Variants in AGMO observed in about 807,000 individuals in gnomAD.
AGMO encodes the protein glyceryl-ether monooxygenase.
Under a neutral mutation model 60.2 loss-of-function variants are expected in AGMO, and 75 were observed. The ratio of observed to expected loss-of-function variants is 1.25; its 90% CI spans 1.03 to 1.51. The LOEUF (loss-of-function observed/expected upper bound fraction) is 1.51, where lower values mean the gene tolerates loss of function less well. AGMO is among the 40% of genes most tolerant of loss of function. The probability of loss-of-function intolerance (pLI) is 0.00; values close to 1 mark genes in which losing one functional copy is unlikely to be tolerated. For synonymous variants in AGMO, 261 were observed against 177.1 expected (o/e 1.47, Z -3.76); for missense variants, 763 against 525.5 (o/e 1.45, Z -4.42).
At chr7:15,249,755 T>C (rs1485201614) in intron 12 of AGMO, among the ~76,000 whole-genome samples, 1 of 152,156 alleles carries the variant, frequency 6.6e-6, no homozygotes, top group Non-Finnish European at 1.5e-5. Context: ...CCAAATTTTC[T>C]AGATCCATAG....
chr7:15,298,969 T>C (rs1369249963), intron 12 of AGMO, among the ~76,000 whole-genome samples: 1 of 152,174 alleles, frequency 6.6e-6, no homozygotes, highest in Non-Finnish European at 1.5e-5. Flanking sequence ...CTCATGTCTG[T>C]TCTCGTTATT....
At chr7:15,383,169 C>T (rs927745688) in intron 10 of AGMO, among the ~76,000 whole-genome samples, 3 of 152,016 alleles carry the variant, frequency 2.0e-5, no homozygotes, top group Non-Finnish European at 2.9e-5. Flanking sequence ...TGGGTATTTT[C>T]ACTTGTGGGG....
chr7:15,132,888 T>C, the AGMO span, among the ~76,000 whole-genome samples: 6 of 152,180 alleles, frequency 3.9e-5, no homozygotes, highest in Admixed American at 2.6e-4. Context: ...TTCAGGGACA[T>C]GTGAAGAATT....
intron 3 of AGMO, among the ~76,000 whole-genome samples, chr7:15,540,570 C>A (rs1429406566): frequency 6.6e-6 from 1 of 152,168 alleles, no homozygotes; most frequent in Non-Finnish European, 1.5e-5. Flanking sequence ...ATGTCTACAG[C>A]ATGCAGCTCT....
chr7:15,174,562 T>C, the AGMO span, among the ~76,000 whole-genome samples: 1 of 152,034 alleles, frequency 6.6e-6, no homozygotes, highest in African/African-American at 2.4e-5. Context: ...TTACAGTCTG[T>C]TTTACCAGAT....
In AGMO at chr7:15,365,718, TA is replaced by T. The variant is rs1782950522; in HGVS notation, c.1158-100del. 3.8e-6 allele frequency: 3 copies of T among 787,140 alleles called. No homozygotes were observed. In the South Asian group the frequency reaches 5.8e-5, roughly 15 times the overall value. 48.8% of individuals were successfully genotyped at this position (787,140 alleles called of 1,614,324 possible). Reference sequence around the variant, plus strand: ...AAACTTCTCATTCTCAAGAAATACCTAGTATTTTAATATATTTGAAAAGCAT... The same window carrying T: ...AAACTTCTCATTCTCAAGAAATACCTGTATTTTAATATATTTGAAAAGCAT... On this transcript the variant is annotated intron_variant, in intron 11 of 12. Transcript: ENST00000342526.
chr7:15,230,576 A>G (rs376125393), intron 12 of AGMO, among the ~76,000 whole-genome samples: 1 of 152,172 alleles, frequency 6.6e-6, no homozygotes, highest in Non-Finnish European at 1.5e-5. Flanking sequence ...CTGTTGGGTC[A>G]TGCTCTTTGA....
intron 3 of AGMO, among the ~76,000 whole-genome samples, chr7:15,522,546 C>T (rs765434466): frequency 2.0e-5 from 3 of 152,094 alleles, no homozygotes; most frequent in Non-Finnish European, 4.4e-5. Flanking sequence ...AATAACACCA[C>T]ACATCTACAA....
chr7:15,157,365 T>G, the AGMO span, among the ~76,000 whole-genome samples: 20 of 152,276 alleles, frequency 1.3e-4, no homozygotes, highest in African/African-American at 4.3e-4. Context: ...GATCAGCCCA[T>G]GAGGGCAGAG....
chr7:15,277,568 G>A (rs892739976), intron 12 of AGMO, among the ~76,000 whole-genome samples: 1 of 151,722 alleles, frequency 6.6e-6, no homozygotes, highest in Admixed American at 6.6e-5. Context: ...TCCATCCCTT[G>A]ATGGTGAGAC....
intron 11 of AGMO, 91 bp from the exon 12 acceptor site, chr7:15,365,710 G>T: frequency 1.2e-6 from 1 of 827,230 alleles, no homozygotes; most frequent in Non-Finnish European, 1.9e-6. Context: ...TCATTCTCAA[G>T]AAATACCTAG....
the AGMO span, among the ~76,000 whole-genome samples, chr7:15,147,143 G>T: frequency 4.9e-4 from 74 of 152,170 alleles, no homozygotes; most frequent in African/African-American, 1.6e-3. Flanking sequence ...GGTGGCTCAT[G>T]GTTCAGGACC....
At chr7:15,539,820 AAT>A (rs1784576059) in intron 3 of AGMO, among the ~76,000 whole-genome samples, 1 of 152,178 alleles carries the variant, frequency 6.6e-6, no homozygotes, top group African/African-American at 2.4e-5. Flanking sequence ...ACTTTTTAAT[AAT>A]AGTCATTCTG....
chr7:15,143,934 A>G, the AGMO span, among the ~76,000 whole-genome samples: 7 of 152,294 alleles, frequency 4.6e-5, no homozygotes, highest in East Asian at 1.4e-3. Context: ...TCAAAAACTT[A>G]TAAGTAGCAT....
intron 10 of AGMO, among the ~76,000 whole-genome samples, chr7:15,381,962 G>A (rs1290518313): frequency 1.3e-5 from 2 of 152,086 alleles, no homozygotes; most frequent in African/African-American, 2.4e-5. Flanking sequence ...GTAAGTGGGA[G>A]CGCTAAATGA....
chr7:15,420,117 A>G (rs7811806), intron 4 of AGMO, among the ~76,000 whole-genome samples: 226 of 152,238 alleles, frequency 1.5e-3, no homozygotes, highest in African/African-American at 5.2e-3. Context: ...TGCATAGCAG[A>G]TGAATATTTA....
At chr7:15,293,619 C>A (rs556506486) in intron 12 of AGMO, among the ~76,000 whole-genome samples, 1 of 147,382 alleles carries the variant, frequency 6.8e-6, no homozygotes, top group Non-Finnish European at 1.5e-5. Context: ...TACTCTAGTT[C>A]CTCACACCAA....
chr7:15,207,807 ACCTGTAGT>A (rs1781479581), intron 12 of AGMO, among the ~76,000 whole-genome samples: 1 of 152,240 alleles, frequency 6.6e-6, no homozygotes, highest in South Asian at 2.1e-4. Context: ...GGTGGCGGGC[ACCTGTAGT>A]CCCAGCTACT....
At chr7:15,152,577 G>A in the AGMO span, among the ~76,000 whole-genome samples, 1 of 152,078 alleles carries the variant, frequency 6.6e-6, no homozygotes, top group Non-Finnish European at 1.5e-5. Context: ...TCCCAATTAT[G>A]AGTGAGAATA....
Sources: allele counts gnomAD v4.1 joint callset (sites outside exome capture counted in the v4.1 genomes callset), GRCh38; gene constraint gnomAD v4.1.1; transcripts MANE v1.5; gene names NCBI Gene and HGNC (gene_info 2026-07-23, HGNC 2026-07-21).